The following ATP2B2 variants were observed in gnomAD, a reference collection of about 807,000 sequenced individuals.
ATP2B2 encodes the protein ATPase plasma membrane Ca2+ transporting 2.
In ATP2B2, 15 loss-of-function variants were observed where a neutral mutation model predicts 120.0. The observed-to-expected ratio is 0.12, with a 90% CI of 0.08 to 0.19. The LOEUF (loss-of-function observed/expected upper bound fraction) is 0.19. Among genes scored for constraint, ATP2B2 ranks in the 10% least tolerant of loss-of-function variants. The probability of loss-of-function intolerance (pLI) is 1.00; values close to 1 mark genes in which losing one functional copy is unlikely to be tolerated. For missense variants in ATP2B2, 1,045 were observed against 1,719.8 expected (o/e 0.61, Z 6.94); for synonymous variants, 694 against 700.3 (o/e 0.99, Z 0.14).
At chr3:10,501,620 G>C (rs890131416) in intron 1 of ATP2B2, among the ~76,000 whole-genome samples, 1 of 152,134 alleles carries the variant, frequency 6.6e-6, no homozygotes, top group South Asian at 2.1e-4. Context: ...AGATGGCCTT[G>C]TTTTGGATTT....
chr3:10,674,809 C>A (rs2071202554), intron 1 of ATP2B2, among the ~76,000 whole-genome samples: 1 of 152,208 alleles, frequency 6.6e-6, no homozygotes, highest in African/African-American at 2.4e-5. Context: ...CACACAACCA[C>A]AACTCACCCA....
intron 6 of ATP2B2, chr3:10,388,043 A>C: frequency 1.9e-6 from 1 of 527,618 alleles, no homozygotes; most frequent in Middle Eastern, 5.5e-4. Flanking sequence ...CCGGAGGGGA[A>C]GGAGGGGCCT....
At chr3:10,560,961 C>T (rs1460128759) in intron 2 of ATP2B2, among the ~76,000 whole-genome samples, 1 of 152,176 alleles carries the variant, frequency 6.6e-6, no homozygotes, top group Non-Finnish European at 1.5e-5. Context: ...CTCCTTCTGC[C>T]TGGAACACTC....
chr3:10,657,983 A>G, intron 1 of ATP2B2, among the ~76,000 whole-genome samples: 1 of 152,218 alleles, frequency 6.6e-6, no homozygotes, highest in Admixed American at 6.5e-5. Flanking sequence ...ACCCAGGCAA[A>G]CAGGGTCTGG....
chr3:10,578,222 GA>G (rs2068298682), intron 2 of ATP2B2, among the ~76,000 whole-genome samples: 1 of 152,202 alleles, frequency 6.6e-6, no homozygotes, highest in Non-Finnish European at 1.5e-5. Flanking sequence ...GTGGGAGTGT[GA>G]AATGGAACAG....
Position 10,343,162 on chromosome 3 carries a change from A to T in ATP2B2, c.2704-197T>A, listed in dbSNP as rs2060330090. 6.6e-6 allele frequency among the ~76,000 whole-genome samples: 1 copy of T among 152,142 alleles called. No homozygotes were observed. The highest frequency in any genetic ancestry group is 2.4e-5 in the African/African-American group (1 of 41,428). ...GTGCAGACCTGCCCACCTCAGCCAC[A>T]TCTTCCCTGCCAGGAGATAAGTGAG... On this transcript the variant is annotated intron_variant, in intron 18 of 22. Coordinates refer to ENST00000360273, the MANE Select transcript of ATP2B2 (RefSeq NM_001001331.4). This position sits in a 1 kb window ranked among gnomAD's most constrained non-coding sequence, Gnocchi z 4.2.
chr3:10,701,685 C>T (rs1002844148), intron 1 of ATP2B2, among the ~76,000 whole-genome samples: 3 of 151,564 alleles, frequency 2.0e-5, no homozygotes, highest in South Asian at 4.2e-4. Context: ...TCCTATTTCT[C>T]GGGTTGCAGA....
At chr3:10,674,776 G>A (rs1660981320) in intron 1 of ATP2B2, among the ~76,000 whole-genome samples, 1 of 152,094 alleles carries the variant, frequency 6.6e-6, no homozygotes, top group South Asian at 2.1e-4. Context: ...GAGTGCTTGA[G>A]CATAAGAACA....
At chr3:10,508,376 C>T (rs371885184), upstream of ATP2B2, among the ~76,000 whole-genome samples, 12 of 152,318 alleles carry the variant, frequency 7.9e-5, no homozygotes, top group East Asian at 1.5e-3. Context: ...CTACCTCTGA[C>T]CACACTGTAT....
chr3:10,655,877 C>T (rs541160304), intron 1 of ATP2B2, among the ~76,000 whole-genome samples: 1 of 152,332 alleles, frequency 6.6e-6, no homozygotes, highest in Admixed American at 6.5e-5. Flanking sequence ...CAACGTGCCT[C>T]CTCCTTCTTC....
At chr3:10,650,321 CCT>C (rs2070424332) in intron 1 of ATP2B2, among the ~76,000 whole-genome samples, 1 of 152,080 alleles carries the variant, frequency 6.6e-6, no homozygotes, top group Non-Finnish European at 1.5e-5. Context: ...TTGCCCCTGC[CCT>C]AGAGATTTGT....
At chr3:10,512,242 T>C (rs2066775801) in intron 3 of ATP2B2, among the ~76,000 whole-genome samples, 1 of 151,956 alleles carries the variant, frequency 6.6e-6, no homozygotes, top group South Asian at 2.1e-4. Flanking sequence ...GGAAAGAGGA[T>C]TCCTAGAGCA....
At chr3:10,385,233 C>T in intron 8 of ATP2B2, 35 bp downstream of exon 8, 1 of 1,607,814 alleles carries the variant, frequency 6.2e-7, no homozygotes, top group Non-Finnish European at 8.5e-7. Context: ...GACGCCCATC[C>T]AACCATGACC....
intron 6 of ATP2B2, among the ~76,000 whole-genome samples, chr3:10,386,716 G>A (rs2061691792): frequency 6.6e-6 from 1 of 152,202 alleles, no homozygotes; most frequent in Admixed American, 6.5e-5. Context: ...GGGCCCAGCT[G>A]AGGCCATGCT....
chr3:10,381,318 A>G (rs3774164), intron 8 of ATP2B2, among the ~76,000 whole-genome samples: 31,686 of 152,142 alleles, frequency 0.21, 3,544 homozygotes, highest in East Asian at 0.37. Context: ...GAATAACAAC[A>G]ATTATTTTTA....
At chr3:10,505,109 T>A (rs2066566906) in intron 1 of ATP2B2, among the ~76,000 whole-genome samples, 1 of 152,084 alleles carries the variant, frequency 6.6e-6, no homozygotes, top group South Asian at 2.1e-4. Context: ...GGCCCTTGCA[T>A]AACATCCTTA....
intron 2 of ATP2B2, among the ~76,000 whole-genome samples, chr3:10,579,005 T>C (rs2068320781): frequency 6.6e-6 from 1 of 151,964 alleles, no homozygotes; most frequent in African/African-American, 2.4e-5. Flanking sequence ...GAAACAGAGG[T>C]AAAAATTCAC....
At chr3:10,455,810 G>A (rs493314) in intron 1 of ATP2B2, among the ~76,000 whole-genome samples, 123,704 of 152,216 alleles carry the variant, frequency 0.81, 51,159 homozygotes, top group Non-Finnish European at 0.89. Context: ...CCCAGCTCCA[G>A]TGGTGTGACC....
In ATP2B2 at chr3:10,340,434, C is replaced by T; in HGVS notation, c.3129+59G>A. ...AGGGCTGGGCTCTCAGGGTCCTGCC[C>T]AGGGGCTCCAGCCGCTTGCTGCCCA... On this transcript the variant is annotated intron_variant, in intron 20 of 22. Coordinates refer to ENST00000360273, the MANE Select transcript of ATP2B2 (RefSeq NM_001001331.4). This position sits in a 1 kb window ranked among gnomAD's most constrained non-coding sequence, Gnocchi z 5.0. 6.2e-7 allele frequency: 1 copy of T among 1,613,712 alleles called. No homozygotes were observed. The highest frequency in any genetic ancestry group is 8.5e-7 in the Non-Finnish European group (1 of 1,179,666).
Sources: allele counts gnomAD v4.1 joint callset (sites outside exome capture counted in the v4.1 genomes callset), GRCh38; gene constraint gnomAD v4.1.1; non-coding constraint Gnocchi (gnomAD v3.1); transcripts MANE v1.5; gene names NCBI Gene and HGNC (gene_info 2026-07-23, HGNC 2026-07-21).